Variants in SCRN3 observed in about 807,000 individuals in gnomAD.
SCRN3 encodes secernin 3, also known as secernin-3.
In SCRN3, 39 loss-of-function variants were observed where a neutral mutation model predicts 43.1. The observed-to-expected ratio is 0.91, with a 90% CI of 0.70 to 1.18. The LOEUF is 1.18. Among genes scored for constraint, SCRN3 ranks in the 50% most tolerant of loss-of-function variants. SCRN3 has a pLI of 0.00. For synonymous variants in SCRN3, 147 were observed against 163.1 expected (o/e 0.90, Z 0.75); for missense variants, 484 against 498.0 (o/e 0.97, Z 0.27).
At chr2:174,418,971 G>A (rs541630211) in intron 5 of SCRN3, among the ~76,000 whole-genome samples, 1 of 152,176 alleles carries the variant, frequency 6.6e-6, no homozygotes, top group Non-Finnish European at 1.5e-5. Context: ...ATAAGAGAAT[G>A]TAGACTTGTA....
intron 5 of SCRN3, chr2:174,410,022 G>T (rs866257731): frequency 0.025 from 3,833 of 153,864 alleles, 107 homozygotes; most frequent in African/African-American, 0.086. Context: ...GTTTACCTAA[G>T]CAAGCCTGGG....
At chr2:174,409,291 C>T (rs1405928821) in intron 5 of SCRN3, among the ~76,000 whole-genome samples, 1 of 141,282 alleles carries the variant, frequency 7.1e-6, no homozygotes, top group Non-Finnish European at 1.6e-5. Flanking sequence ...AGTTCTCGAG[C>T]CTTGGTTTTC....
At chr2:174,421,631 C>G (rs577829911) in intron 5 of SCRN3, among the ~76,000 whole-genome samples, 9 of 152,278 alleles carry the variant, frequency 5.9e-5, no homozygotes, top group African/African-American at 1.4e-4. Flanking sequence ...GCCTGGGATA[C>G]TTCTCCAACT....
intron 5 of SCRN3, among the ~76,000 whole-genome samples, chr2:174,419,028 A>T (rs940910207): frequency 6.6e-6 from 1 of 152,352 alleles, no homozygotes; most frequent in Admixed American, 6.5e-5. Context: ...CTGCATAATT[A>T]ACTGAGGGCA....
Position 174,428,136 on chromosome 2 carries a change from C to A in SCRN3, c.*241C>A. On this transcript the variant is annotated 3_prime_UTR_variant, in exon 8 of 8. Transcript: ENST00000272732. ...TACAGGTGTTATTTCAGGTGATGTA[C>A]TTGCATTATTTTCTTTAGCCATAGT... 1 of 273,864 alleles carries A rather than the reference C, an allele frequency of 3.7e-6. No individual in the cohort carries two copies. Among genetic ancestry groups the A allele is most frequent in the Non-Finnish European group, 6.9e-6 (1 of 145,950 alleles). 17.0% of individuals were successfully genotyped at this position (273,864 alleles called of 1,614,324 possible). A position where few individuals can be genotyped will look rare whatever the true frequency, so the allele number is the denominator to read the frequency against.
intron 6 of SCRN3, 82 bp downstream of exon 6, chr2:174,423,129 TA>T: frequency 8.4e-7 from 1 of 1,191,326 alleles, no homozygotes; most frequent in Non-Finnish European, 1.2e-6. Context: ...TTTGTCAGGA[TA>T]AATTTTTGTT....
At position 174,399,980 on chromosome 2, in the gene SCRN3, C is replaced by A; in HGVS notation, c.218C>A (p.Pro73Gln). Reference sequence around the variant, plus strand: ...ACATATGCTGTTGTCCTGAGTCGCCCAGCGTGGTTGTGGGGGGCAGAAATG... The same window carrying A: ...ACATATGCTGTTGTCCTGAGTCGCCAAGCGTGGTTGTGGGGGGCAGAAATG... Reference protein sequence around the residue: ...PETYAVVLSRPAWLWGAEMGA... With the variant: ...PETYAVVLSRQAWLWGAEMGA... Residue 73 changes from proline (P) to glutamine (Q), a missense_variant, in exon 3 of 8, where the codon CCA becomes CAA. Coordinates refer to ENST00000272732, the MANE Select transcript of SCRN3 (RefSeq NM_024583.5). The A allele has an allele frequency of 6.3e-7, 1 of 1,587,120 alleles. No homozygotes were observed. Among genetic ancestry groups the A allele is most frequent in the Non-Finnish European group, 8.6e-7 (1 of 1,169,460 alleles).
intron 5 of SCRN3, among the ~76,000 whole-genome samples, chr2:174,410,742 G>A (rs931780641): frequency 1.3e-5 from 2 of 152,068 alleles, no homozygotes; most frequent in African/African-American, 4.8e-5. Flanking sequence ...AGAACTTCTG[G>A]CCAGAAGACA....
intron 1 of SCRN3, among the ~76,000 whole-genome samples, chr2:174,398,001 G>T (rs1307865947): frequency 6.6e-6 from 1 of 152,060 alleles, no homozygotes; most frequent in Non-Finnish European, 1.5e-5. Context: ...GGTCACTCAT[G>T]CCTGTAATCC....
intron 5 of SCRN3, among the ~76,000 whole-genome samples, chr2:174,418,909 A>G (rs1376595126): frequency 2.0e-5 from 3 of 152,224 alleles, no homozygotes; most frequent in Non-Finnish European, 2.9e-5. Flanking sequence ...TATAAATTCA[A>G]TAAGTTATTT....
Position 174,428,554 on chromosome 2 carries a change from A to G in SCRN3, c.*659A>G, listed in dbSNP as rs746013171. Reference sequence around the variant, plus strand: ...TATGTTAATAAGATATATTTTTAGAAGAGCTTGTTTGGGAGATTAGAGAAT... The same window carrying G: ...TATGTTAATAAGATATATTTTTAGAGGAGCTTGTTTGGGAGATTAGAGAAT... On this transcript the variant is annotated 3_prime_UTR_variant, in exon 8 of 8. Coordinates refer to ENST00000272732, the MANE Select transcript of SCRN3 (RefSeq NM_024583.5). The G allele has an allele frequency of 6.6e-6, 1 of 152,274 alleles. No homozygotes were observed. The highest frequency in any genetic ancestry group is 2.1e-4 in the South Asian group (1 of 4,834). The allele number at this position is 152,274 out of a possible 1,614,324, so 9.4% of individuals were successfully genotyped here. A position where few individuals can be genotyped will look rare whatever the true frequency, so the allele number is the denominator to read the frequency against.
intron 1 of SCRN3, 135 bp downstream of exon 1, chr2:174,395,952 G>C: frequency 1.4e-6 from 2 of 1,401,572 alleles, no homozygotes; most frequent in South Asian, 1.6e-5. Flanking sequence ...GCCCAGGGCC[G>C]GGGTGCGGGG....
intron 7 of SCRN3, 86 bp downstream of exon 7, chr2:174,424,735 T>C: frequency 1.0e-6 from 1 of 976,840 alleles, no homozygotes; most frequent in Non-Finnish European, 1.5e-6. Context: ...TCAGCTTTCC[T>C]CCCTTCTTAT....
At chr2:174,423,202 C>T (rs893594023) in intron 6 of SCRN3, among the ~76,000 whole-genome samples, 155 bp downstream of exon 6, 2 of 152,194 alleles carry the variant, frequency 1.3e-5, no homozygotes, top group South Asian at 4.1e-4. Context: ...GCAATATCCA[C>T]AAATGTGTAA....
At chr2:174,422,482 G>A (rs758905064) in intron 5 of SCRN3, among the ~76,000 whole-genome samples, 4 of 151,118 alleles carry the variant, frequency 2.6e-5, no homozygotes, top group Non-Finnish European at 5.9e-5. Context: ...GCTGAGGCAC[G>A]AGAATCACTT....
At chr2:174,400,273 G>T (rs1185027202) in intron 3 of SCRN3, among the ~76,000 whole-genome samples, 170 bp downstream of exon 3, 1 of 151,892 alleles carries the variant, frequency 6.6e-6, no homozygotes. Flanking sequence ...GTTTTGTTTG[G>T]TTTTTTAAAA....
intron 5 of SCRN3, among the ~76,000 whole-genome samples, chr2:174,411,140 T>C (rs1024931625): frequency 2.0e-5 from 3 of 152,150 alleles, no homozygotes; most frequent in Non-Finnish European, 2.9e-5. Context: ...CAGTTTCTTG[T>C]GAGAGATTGA....
intron 7 of SCRN3, among the ~76,000 whole-genome samples, chr2:174,426,888 C>T (rs1401128187): frequency 6.6e-6 from 1 of 151,582 alleles, no homozygotes; most frequent in African/African-American, 2.4e-5. Context: ...GCTGGAGTGC[C>T]CTGGTGCGAT....
chr2:174,415,806 G>A lies in SCRN3; in HGVS notation c.755-7079G>A, dbSNP rs1686085226. Among the ~76,000 whole-genome samples, 2 of 152,060 alleles carry A rather than the reference G, an allele frequency of 1.3e-5. 1 individual carries two copies. The highest frequency in any genetic ancestry group is 4.1e-4 in the South Asian group (2 of 4,824). ...ATTCCAGGTGTGCACTACCATGCTA[G>A]GCTAATTTTTGTATTTTTTGTAGAG... is the stretch of plus-strand genomic sequence containing the variant. On this transcript the variant is annotated intron_variant, in intron 5 of 7. Transcript: ENST00000272732.
Sources: allele counts gnomAD v4.1 joint callset (sites outside exome capture counted in the v4.1 genomes callset), GRCh38; gene constraint gnomAD v4.1.1; transcripts MANE v1.5; gene names NCBI Gene and HGNC (gene_info 2026-07-23, HGNC 2026-07-21).